Variants in MACROD2 observed in about 807,000 individuals in gnomAD.
MACROD2 encodes ADP-ribose glycohydrolase MACROD2.
In MACROD2, 36 loss-of-function variants were observed where a neutral mutation model predicts 70.4. That is an observed-to-expected ratio of 0.51 (90% CI 0.39 to 0.68). The LOEUF (loss-of-function observed/expected upper bound fraction) is 0.68. Ranked by LOEUF, MACROD2 falls within the 30% of genes least tolerant of loss-of-function variation. The pLI, the probability that MACROD2 is intolerant of heterozygous loss-of-function variation, is 0.00. For missense variants in MACROD2, 496 were observed against 538.4 expected, an observed-to-expected ratio of 0.92 and a Z score of 0.78; for synonymous variants, 172 against 178.8, an observed-to-expected ratio of 0.96 and a Z score of 0.30.
intron 6 of MACROD2, among the ~76,000 whole-genome samples, chr20:15,278,898 T>C (rs557303432): frequency 6.6e-6 from 1 of 152,324 alleles, no homozygotes; most frequent in South Asian, 2.1e-4. Flanking sequence ...TTGTTTTGCA[T>C]GTGTCACAGT....
chr20:14,082,675 C>G (rs918910955), intron 2 of MACROD2, among the ~76,000 whole-genome samples: 1 of 144,340 alleles, frequency 6.9e-6, no homozygotes, highest in African/African-American at 2.6e-5. Context: ...TCTATTTACT[C>G]TGTTTCCCAT....
At chr20:14,855,946 ATGT>A (rs2073251663) in intron 5 of MACROD2, among the ~76,000 whole-genome samples, 1 of 151,446 alleles carries the variant, frequency 6.6e-6, no homozygotes, top group Admixed American at 6.6e-5. Flanking sequence ...ACATTTTAAA[ATGT>A]TGTTATTTCT....
chr20:15,186,147 T>C (rs1331827968), intron 5 of MACROD2, among the ~76,000 whole-genome samples: 1 of 152,174 alleles, frequency 6.6e-6, no homozygotes, highest in Non-Finnish European at 1.5e-5. Context: ...ACTTTGTCTA[T>C]TTAGTCTGGG....
intron 6 of MACROD2, among the ~76,000 whole-genome samples, chr20:15,269,413 T>A (rs2077326274): frequency 6.6e-6 from 1 of 152,218 alleles, no homozygotes; most frequent in Non-Finnish European, 1.5e-5. Flanking sequence ...TGACCCACCA[T>A]CTCGCTATGG....
intron 8 of MACROD2, among the ~76,000 whole-genome samples, chr20:15,632,978 C>T (rs1431031996): frequency 6.6e-6 from 1 of 151,642 alleles, no homozygotes; most frequent in Non-Finnish European, 1.5e-5. Context: ...TCTATCTGTT[C>T]ATCTCCCCAT....
intron 5 of MACROD2, among the ~76,000 whole-genome samples, chr20:15,199,306 G>A (rs2076635034): frequency 6.6e-6 from 1 of 152,076 alleles, no homozygotes; most frequent in Admixed American, 6.5e-5. Flanking sequence ...GCAGTGAGCT[G>A]TGATCGCACC....
chr20:15,137,626 G>A (rs2076159820), intron 5 of MACROD2, among the ~76,000 whole-genome samples: 4 of 150,092 alleles, frequency 2.7e-5, no homozygotes, highest in African/African-American at 9.9e-5. Flanking sequence ...GAGTTAATGG[G>A]TGCAGCACAC....
chr20:14,988,462 G>A (rs2122860859), intron 5 of MACROD2, among the ~76,000 whole-genome samples: 1 of 152,082 alleles, frequency 6.6e-6, no homozygotes, highest in African/African-American at 2.4e-5. Context: ...CTTGCCCAAG[G>A]CGAGGTTTAA....
chr20:15,846,082 A>G (rs1201037687), intron 8 of MACROD2, among the ~76,000 whole-genome samples: 1 of 152,242 alleles, frequency 6.6e-6, no homozygotes, highest in Non-Finnish European at 1.5e-5. Flanking sequence ...CATTTAGGGT[A>G]AGAAACACTT....
chr20:14,584,897 C>T (rs1981270981), intron 4 of MACROD2, among the ~76,000 whole-genome samples: 1 of 152,114 alleles, frequency 6.6e-6, no homozygotes, highest in Non-Finnish European at 1.5e-5. Context: ...ATTGAATGAT[C>T]GAATGAATGA....
chr20:14,453,175 G>C (rs1186770603), intron 3 of MACROD2, among the ~76,000 whole-genome samples: 1 of 152,038 alleles, frequency 6.6e-6, no homozygotes. Flanking sequence ...GCATTCCTAT[G>C]GACATTAAGA....
rs181354367 is a variant in MACROD2 at position 14,868,579 on chromosome 20, G to A, written c.418+183620G>A. Among the ~76,000 whole-genome samples, 9 of 152,174 alleles carry A rather than the reference G, an allele frequency of 5.9e-5. No individual in the cohort carries two copies. In the East Asian group the frequency reaches 1.2e-3, roughly 20 times the overall value. On this transcript the variant is annotated intron_variant, in intron 5 of 17. Coordinates refer to ENST00000684519, the MANE Select transcript of MACROD2 (RefSeq NM_001351661.2). The stretch of plus-strand genomic sequence containing the variant: ...AGCTTTCAAATTCTATTCCAGCCTA[G>A]AGTCTAGGGCCCAACTTTGCATACT...
At chr20:14,140,659 T>C (rs993156095) in intron 3 of MACROD2, among the ~76,000 whole-genome samples, 8 of 152,146 alleles carry the variant, frequency 5.3e-5, no homozygotes, top group Admixed American at 5.2e-4. Flanking sequence ...GGATAGAGCT[T>C]GTGTGTACCT....
chr20:15,403,451 G>GGAC (rs1248927227), intron 6 of MACROD2, among the ~76,000 whole-genome samples: 1 of 148,486 alleles, frequency 6.7e-6, no homozygotes, highest in African/African-American at 2.5e-5. Context: ...ACGAGGAGGA[G>GGAC]GAGGAGAGAG....
chr20:14,005,950 T>C (rs2052813012), intron 2 of MACROD2, among the ~76,000 whole-genome samples: 1 of 152,216 alleles, frequency 6.6e-6, no homozygotes, highest in Non-Finnish European at 1.5e-5. Context: ...AAAGCTAGAA[T>C]ACAGTCATGT....
At chr20:14,104,873 CT>C (rs2054348151) in intron 3 of MACROD2, among the ~76,000 whole-genome samples, 2 of 152,122 alleles carry the variant, frequency 1.3e-5, no homozygotes, top group Admixed American at 6.5e-5. Context: ...CTTATTCTAC[CT>C]GTGGTTAACA....
intron 9 of MACROD2, among the ~76,000 whole-genome samples, chr20:15,880,440 G>A (rs1169299713): frequency 4.0e-5 from 6 of 151,734 alleles, no homozygotes; most frequent in African/African-American, 9.7e-5. Context: ...GAAGTATGTT[G>A]GGGCGGCGGG....
At chr20:15,759,047 CTG>C (rs2051393418) in intron 8 of MACROD2, among the ~76,000 whole-genome samples, 1 of 147,240 alleles carries the variant, frequency 6.8e-6, no homozygotes, top group Non-Finnish European at 1.5e-5. Context: ...ACTCAGGAGA[CTG>C]AGGCAAAGAA....
chr20:14,541,121 C>A (rs1392013861), intron 4 of MACROD2, among the ~76,000 whole-genome samples: 1 of 152,022 alleles, frequency 6.6e-6, no homozygotes, highest in Non-Finnish European at 1.5e-5. Context: ...TATAATAAAG[C>A]CTTGCTAGGG....
Sources: allele counts gnomAD v4.1 joint callset (sites outside exome capture counted in the v4.1 genomes callset), GRCh38; gene constraint gnomAD v4.1.1; transcripts MANE v1.5; gene names NCBI Gene and HGNC (gene_info 2026-07-23, HGNC 2026-07-21).